The following UBAP2 variants were observed in gnomAD, a reference collection of about 807,000 sequenced individuals.
UBAP2 encodes ubiquitin associated protein 2.
In UBAP2, 75 loss-of-function variants were observed where a neutral mutation model predicts 139.6. The ratio of observed to expected loss-of-function variants is 0.54; its 90% confidence interval spans 0.45 to 0.65. The LOEUF (loss-of-function observed/expected upper bound fraction) is 0.65. UBAP2 is among the 30% of genes least tolerant of loss of function. The pLI is 0.00. For missense variants in UBAP2, 1,368 were observed against 1,369.6 expected (o/e 1.00, Z 0.02); for synonymous variants, 526 against 526.2 (o/e 1.00, Z 0.01).
In UBAP2 at chr9:33,962,677, TAAA is replaced by T. The variant is rs879814065; in HGVS notation, c.745+1046_745+1048del. Among the ~76,000 whole-genome samples, 380 of 108,782 alleles carry T rather than the reference TAAA, an allele frequency of 3.5e-3. 1 individual carries two copies. Among genetic ancestry groups the T allele is most frequent in the Non-Finnish European group, 6.3e-3 (307 of 48,668 alleles). 71.4% of individuals were successfully genotyped at this position (108,782 alleles called of 152,430 possible). On this transcript the variant is annotated intron_variant, in intron 9 of 28. Coordinates refer to ENST00000379238, the MANE Select transcript of UBAP2 (RefSeq NM_001370062.2). ...ATAAATAAATAAATAAATAAATAAA[TAAA>T]TAATTAAAAAATAGGGCCTGGAGCA...
chr9:33,957,953 GT>G lies in UBAP2; in HGVS notation c.799-1808del, dbSNP rs1305991411. 4.0e-5 allele frequency among the ~76,000 whole-genome samples: 6 copies of G among 151,244 alleles called. No homozygotes were observed. In the East Asian group the frequency reaches 9.7e-4, roughly 24 times the overall value. Reference sequence around the variant, plus strand: ...TTCCAAAACAGGGTGTGTGGGAAGGGTTTTTTTTTCTTTTTTGGGAGACAGA... The same window carrying G: ...TTCCAAAACAGGGTGTGTGGGAAGGGTTTTTTTTCTTTTTTGGGAGACAGA... On this transcript the variant is annotated intron_variant, in intron 10 of 28. Coordinates refer to ENST00000379238, the MANE Select transcript of UBAP2 (RefSeq NM_001370062.2).
chr9:34,047,343 G>C (rs1035303085), intron 1 of UBAP2, among the ~76,000 whole-genome samples: 1 of 152,162 alleles, frequency 6.6e-6, no homozygotes, highest in Admixed American at 6.6e-5. Flanking sequence ...GCAATGGAAG[G>C]ACAACCCTAG....
chr9:33,998,869 A>T lies in UBAP2; in HGVS notation c.100-5T>A. On this transcript the variant is annotated splice_region_variant and splice_polypyrimidine_tract_variant and intron_variant, in intron 2 of 28. Transcript: ENST00000379238. ...ACGCATCTGTTCAGCTGTTGCCTGGAAAGTACATACAATTGTTAAGGATTT... is the reference window on the plus strand; with the variant it reads ...ACGCATCTGTTCAGCTGTTGCCTGGTAAGTACATACAATTGTTAAGGATTT... 1.2e-6 allele frequency: 2 copies of T among 1,608,994 alleles called. No individual in the cohort carries two copies. The highest frequency in any genetic ancestry group is 2.2e-5 in the South Asian group (2 of 90,666).
intron 22 of UBAP2, 137 bp downstream of exon 22, chr9:33,926,480 T>A: frequency 1.1e-6 from 1 of 927,176 alleles, no homozygotes; most frequent in South Asian, 1.4e-5. Flanking sequence ...TGAAAACAGC[T>A]TTCTCAGTAG....
intron 1 of UBAP2, among the ~76,000 whole-genome samples, chr9:34,022,219 T>C (rs1825011692): frequency 6.6e-6 from 1 of 151,974 alleles, no homozygotes; most frequent in African/African-American, 2.4e-5. Context: ...CACTCCAACC[T>C]GGGCAACAAG....
At chr9:33,944,237 T>C (rs1033759080) in intron 14 of UBAP2, 128 bp downstream of exon 14, 1 of 1,271,692 alleles carries the variant, frequency 7.9e-7, no homozygotes, top group Non-Finnish European at 1.1e-6. Flanking sequence ...CATATCCTTA[T>C]TATGCAATCA....
Position 33,989,019 on chromosome 9 carries a change from AC to A in UBAP2, c.395del (p.Arg132LeufsTer81). 1 of 1,613,700 alleles carries A rather than the reference AC, an allele frequency of 6.2e-7. No individual in the cohort carries two copies. The highest frequency in any genetic ancestry group is 8.5e-7 in the Non-Finnish European group (1 of 1,179,886). ...KKSEKESSRG[R>X]GNNNRKGRGG... is the part of the protein sequence containing the mutation. The stretch of plus-strand genomic sequence containing the variant: ...CTCTTCCTTTCCGGTTGTTGTTTCC[AC>A]GTCCACGACTCGATTCTTTCTCGCT... On this transcript the variant is annotated frameshift_variant, in exon 5 of 29. Coordinates refer to ENST00000379238, the MANE Select transcript of UBAP2 (RefSeq NM_001370062.2). LOFTEE classifies it high-confidence loss of function.
intron 2 of UBAP2, 70 bp downstream of exon 2, chr9:34,016,980 C>A: frequency 9.2e-7 from 1 of 1,087,534 alleles, no homozygotes; most frequent in East Asian, 2.7e-5. Flanking sequence ...TTCCACATAC[C>A]CTAAAACTTC....
chr9:33,933,670 T>A (rs759721043), intron 17 of UBAP2, 42 bp from the exon 18 acceptor site: 12 of 1,603,644 alleles, frequency 7.5e-6, no homozygotes, highest in Non-Finnish European at 1.0e-5. Context: ...ATCTGTTTAT[T>A]TCTAAAACCA....
At chr9:33,968,414 A>AG in intron 8 of UBAP2, 1 of 564,868 alleles carries the variant, frequency 1.8e-6, no homozygotes, top group South Asian at 1.4e-5. Flanking sequence ...CACCACCACC[A>AG]GGGCATACAT....
intron 2 of UBAP2, among the ~76,000 whole-genome samples, chr9:34,004,710 G>A (rs1823030966): frequency 6.6e-6 from 1 of 151,790 alleles, no homozygotes; most frequent in African/African-American, 2.4e-5. Context: ...CGTGAACCTG[G>A]CAGGCGGAGC....
At chr9:33,997,435 A>T (rs1822297123) in intron 3 of UBAP2, 1 of 152,244 alleles carries the variant, frequency 6.6e-6, no homozygotes, top group Non-Finnish European at 1.5e-5. Flanking sequence ...GGTAATTAAT[A>T]GCAAAGCCCA....
At chr9:33,943,382 G>A in intron 15 of UBAP2, 38 bp downstream of exon 15, 2 of 1,602,210 alleles carry the variant, frequency 1.2e-6, no homozygotes. Flanking sequence ...CTCTCTTAGG[G>A]TCTATTTTGC....
At chr9:34,002,143 AAGGTCT>A (rs1822762448) in intron 2 of UBAP2, among the ~76,000 whole-genome samples, 1 of 151,434 alleles carries the variant, frequency 6.6e-6, no homozygotes, top group South Asian at 2.1e-4. Context: ...TCATAAAGAC[AAGGTCT>A]CACTGTGTTG....
chr9:34,018,699 T>C (rs964974673), intron 1 of UBAP2, among the ~76,000 whole-genome samples: 1 of 151,906 alleles, frequency 6.6e-6, no homozygotes, highest in African/African-American at 2.4e-5. Flanking sequence ...CCGTCTCTAC[T>C]AAAAATACAA....
intron 2 of UBAP2, among the ~76,000 whole-genome samples, chr9:34,008,610 T>A (rs930729778): frequency 1.1e-4 from 14 of 126,588 alleles, no homozygotes; most frequent in African/African-American, 3.4e-4. Flanking sequence ...ACAGAGATTG[T>A]GTCTGGACTG....
chr9:33,923,727 G>A, intron 24 of UBAP2, 68 bp downstream of exon 24: 3 of 1,506,700 alleles, frequency 2.0e-6, no homozygotes, highest in Non-Finnish European at 2.8e-6. Flanking sequence ...CTGGAAGATA[G>A]GTCCCAGGTT....
intron 10 of UBAP2, 85 bp downstream of exon 10, chr9:33,960,741 T>C (rs557909050): frequency 3.5e-4 from 487 of 1,372,830 alleles, no homozygotes; most frequent in Non-Finnish European, 4.5e-4. Flanking sequence ...GATCACGCCA[T>C]TGCATTCCAG....
rs114980038 is a variant in UBAP2, at chr9:34,034,022, C to T, written c.-42+14803G>A. On this transcript the variant is annotated intron_variant, in intron 1 of 28. Coordinates refer to ENST00000379238, the MANE Select transcript of UBAP2 (RefSeq NM_001370062.2). ...AAGTCCTAGGATTAAAGGCATGACC[C>T]ACCACGCCCGGCTTCAAATCAATTC... Among the ~76,000 whole-genome samples the T allele has an allele frequency of 5.0e-3, 762 of 152,242 alleles. 5 individuals carry two copies. Among genetic ancestry groups the T allele is most frequent in the African/African-American group, 0.017 (696 of 41,550 alleles).
Sources: allele counts gnomAD v4.1 joint callset (sites outside exome capture counted in the v4.1 genomes callset), GRCh38; gene constraint gnomAD v4.1.1; transcripts MANE v1.5; gene names NCBI Gene and HGNC (gene_info 2026-07-23, HGNC 2026-07-21).